NELL1: variants seen among roughly 807,000 people sequenced by gnomAD.
NELL1 encodes the protein neural EGFL like 1.
A neutral mutation model predicts 107.4 loss-of-function variants in NELL1; 76 were observed. That is an observed-to-expected ratio of 0.71 (90% CI 0.59 to 0.86). NELL1 has a LOEUF of 0.86. NELL1 is among the 40% of genes least tolerant of loss of function. The probability of loss-of-function intolerance (pLI) is 0.00; values close to 1 mark genes in which losing one functional copy is unlikely to be tolerated. For synonymous variants in NELL1, 353 were observed against 341.2 expected, an observed-to-expected ratio of 1.03 and a Z score of -0.38; for missense variants, 1,024 against 1,005.5, an observed-to-expected ratio of 1.02 and a Z score of -0.25.
At chr11:20,772,807 G>A (rs777991188) in intron 2 of NELL1, among the ~76,000 whole-genome samples, 10 of 152,270 alleles carry the variant, frequency 6.6e-5, no homozygotes, top group Middle Eastern at 3.4e-3. Flanking sequence ...CCTTATGATT[G>A]GCTTTAGACA....
At chr11:20,800,748 C>A (rs1403746620) in intron 3 of NELL1, among the ~76,000 whole-genome samples, 1 of 152,088 alleles carries the variant, frequency 6.6e-6, no homozygotes, top group Non-Finnish European at 1.5e-5. Flanking sequence ...GAATGAGAAA[C>A]GATGAGGATG....
At chr11:20,949,911 C>T (rs1272047521) in intron 11 of NELL1, among the ~76,000 whole-genome samples, 1 of 152,178 alleles carries the variant, frequency 6.6e-6, no homozygotes, top group Non-Finnish European at 1.5e-5. Flanking sequence ...AGCCAGGAAA[C>T]AGCCAGCTCT....
chr11:21,354,408 G>T (rs895772591), intron 14 of NELL1, among the ~76,000 whole-genome samples: 2 of 151,794 alleles, frequency 1.3e-5, no homozygotes, highest in Admixed American at 6.6e-5. Flanking sequence ...TTCAAACCAG[G>T]TTTCTCTCAT....
chr11:21,381,110 A>G (rs1385574839), intron 15 of NELL1, among the ~76,000 whole-genome samples: 3 of 152,026 alleles, frequency 2.0e-5, no homozygotes, highest in Middle Eastern at 3.2e-3. Context: ...ACTTTGCTTT[A>G]TAATCTGCTA....
intron 3 of NELL1, among the ~76,000 whole-genome samples, chr11:20,808,063 T>C (rs1857421861): frequency 6.6e-6 from 1 of 152,186 alleles, no homozygotes; most frequent in Admixed American, 6.5e-5. Context: ...AGCTGGTACC[T>C]AAGCTGTAAG....
At chr11:21,534,535 C>A in intron 16 of NELL1, 21 bp downstream of exon 16, 2 of 1,613,032 alleles carry the variant, frequency 1.2e-6, no homozygotes, top group Non-Finnish European at 1.7e-6. Context: ...TTCAGGCATG[C>A]CCTCCAACTG....
At chr11:21,478,483 C>G (rs1854404988) in intron 15 of NELL1, among the ~76,000 whole-genome samples, 1 of 152,066 alleles carries the variant, frequency 6.6e-6, no homozygotes, top group Non-Finnish European at 1.5e-5. Context: ...CAAGGCAAGT[C>G]CCTTCTCCCT....
intron 5 of NELL1, among the ~76,000 whole-genome samples, chr11:20,902,275 CTT>C (rs5790145): frequency 2.3e-4 from 33 of 145,300 alleles, no homozygotes; most frequent in African/African-American, 3.5e-4. Context: ...AATAAGAAAC[CTT>C]TTTTTTTTAA....
chr11:20,939,181 G>A (rs967270165), intron 10 of NELL1, among the ~76,000 whole-genome samples: 6 of 152,002 alleles, frequency 3.9e-5, no homozygotes, highest in African/African-American at 1.5e-4. Flanking sequence ...TTGGGTTTGG[G>A]GAAGGCTAAT....
At chr11:21,072,548 A>G (rs1854040079) in intron 12 of NELL1, among the ~76,000 whole-genome samples, 1 of 152,206 alleles carries the variant, frequency 6.6e-6, no homozygotes, top group Non-Finnish European at 1.5e-5. Context: ...TATGAGGAAT[A>G]TAGCACAGTA....
chr11:21,098,139 A>G (rs1854697872), intron 12 of NELL1, among the ~76,000 whole-genome samples: 1 of 152,152 alleles, frequency 6.6e-6, no homozygotes, highest in Non-Finnish European at 1.5e-5. Context: ...ACCAGCTTCC[A>G]ATTCTGTGAA....
intron 3 of NELL1, among the ~76,000 whole-genome samples, chr11:20,789,010 T>C (rs1353478426): frequency 6.6e-6 from 1 of 152,166 alleles, no homozygotes; most frequent in African/African-American, 2.4e-5. Flanking sequence ...TTCCAGTGAA[T>C]TGTATTGGCA....
chr11:21,550,628 T>C (rs911792786), intron 16 of NELL1, among the ~76,000 whole-genome samples: 1 of 152,194 alleles, frequency 6.6e-6, no homozygotes, highest in South Asian at 2.1e-4. Context: ...TTTTCTTAGG[T>C]TTGTCAAAGA....
At chr11:21,005,046 T>C (rs1852300665) in intron 12 of NELL1, among the ~76,000 whole-genome samples, 1 of 152,170 alleles carries the variant, frequency 6.6e-6, no homozygotes, top group South Asian at 2.1e-4. Context: ...ATGTACTAAA[T>C]TTAATTTCTT....
At chr11:20,694,318 T>A (rs1051336109) in intron 2 of NELL1, among the ~76,000 whole-genome samples, 2 of 152,160 alleles carry the variant, frequency 1.3e-5, no homozygotes, top group African/African-American at 4.8e-5. Flanking sequence ...GCTTTTGAGG[T>A]ACTAGCCATA....
At chr11:21,386,285 G>C (rs1054678069) in intron 15 of NELL1, among the ~76,000 whole-genome samples, 3 of 151,406 alleles carry the variant, frequency 2.0e-5, no homozygotes, top group Non-Finnish European at 2.9e-5. Flanking sequence ...TTTCCTGCTG[G>C]TGCCATTCTT....
chr11:21,564,948 G>A (rs951166961), intron 17 of NELL1, among the ~76,000 whole-genome samples: 1 of 151,842 alleles, frequency 6.6e-6, no homozygotes, highest in Non-Finnish European at 1.5e-5. Flanking sequence ...CTGGCAAGGA[G>A]GAAAGAATCT....
chr11:21,033,743 T>C (rs1853019550), intron 12 of NELL1, among the ~76,000 whole-genome samples: 1 of 152,176 alleles, frequency 6.6e-6, no homozygotes, highest in Non-Finnish European at 1.5e-5. Context: ...TTATATTCCT[T>C]TGGGTATATA....
chr11:21,054,175 CT>C (rs563269441), intron 12 of NELL1, among the ~76,000 whole-genome samples: 110 of 151,668 alleles, frequency 7.3e-4, no homozygotes, highest in African/African-American at 2.5e-3. Context: ...GTTTCCCTCT[CT>C]TTTTTTCTCT....
Sources: allele counts gnomAD v4.1 joint callset (sites outside exome capture counted in the v4.1 genomes callset), GRCh38; gene constraint gnomAD v4.1.1; transcripts MANE v1.5; gene names NCBI Gene and HGNC (gene_info 2026-07-23, HGNC 2026-07-21).